SRGAP3: variants seen among roughly 807,000 people sequenced by gnomAD.
SRGAP3 encodes SLIT-ROBO Rho GTPase activating protein 3.
Under a neutral mutation model 121.1 loss-of-function variants are expected in SRGAP3, and 39 were observed. That is an observed-to-expected ratio of 0.32 (90% confidence interval 0.25 to 0.42). SRGAP3 has a LOEUF of 0.42. SRGAP3 is among the 10% of genes least tolerant of loss of function. SRGAP3 has a pLI of 1.00. For missense variants in SRGAP3, 1,213 were observed against 1,470.6 expected (o/e 0.82, Z 2.86); for synonymous variants, 601 against 570.0 (o/e 1.05, Z -0.77).
rs542317456 is a variant in SRGAP3 at position 9,013,163 on chromosome 3, G to A, written c.2147+145C>T. ...TAACTGATGTACCTATCTCTCATGT[G>A]AAGCTGCTGTGAAGCTCAGATGAGA... On this transcript the variant is annotated intron_variant, in intron 17 of 21. Transcript: ENST00000383836. 1.3e-5 allele frequency: 10 copies of A among 789,398 alleles called. No individual in the cohort carries two copies. In the South Asian group the frequency reaches 1.6e-4, roughly 13 times the overall value. The allele number at this position is 789,398 out of a possible 1,614,324, so 48.9% of individuals were successfully genotyped here. A position where few individuals can be genotyped will look rare whatever the true frequency, so the allele number is the denominator to read the frequency against.
At chr3:9,122,012 A>G (rs6443224) in intron 2 of SRGAP3, among the ~76,000 whole-genome samples, 73,480 of 151,658 alleles carry the variant, frequency 0.48, 18,366 homozygotes, top group African/African-American at 0.62. Context: ...GAGAAGAGAC[A>G]AAGGTTCAAT....
At chr3:9,118,850 C>T (rs1948900558) in intron 2 of SRGAP3, among the ~76,000 whole-genome samples, 1 of 152,200 alleles carries the variant, frequency 6.6e-6, no homozygotes, top group African/African-American at 2.4e-5. Flanking sequence ...AATACAGGAC[C>T]CGTGACAGGC....
intron 1 of SRGAP3, among the ~76,000 whole-genome samples, chr3:9,161,544 C>T (rs191562606): frequency 5.2e-4 from 79 of 152,386 alleles, no homozygotes; most frequent in African/African-American, 1.9e-3. Context: ...CCTGCTCTAT[C>T]TCCACATTGG....
chr3:9,286,947 A>C (rs149172212), intron 3 of SRGAP3, among the ~76,000 whole-genome samples: 2 of 144,286 alleles, frequency 1.4e-5, no homozygotes, highest in Non-Finnish European at 3.0e-5. Flanking sequence ...ATTATCTTCT[A>C]GAGGTAATAC....
In SRGAP3 at chr3:9,060,428, CTTTTTT is replaced by C. The variant is rs59248524; in HGVS notation, c.673-75_673-70del. ...GGACGGGGTTTGTGATTTTCTATTC[CTTTTTT>C]TTTTTTTTTTGAGACAGGGTGTTGC... On this transcript the variant is annotated intron_variant, in intron 5 of 21. Transcript: ENST00000383836. 4.2e-6 allele frequency: 5 copies of C among 1,176,824 alleles called. No individual in the cohort carries two copies. In the Admixed American group the frequency reaches 1.1e-4, roughly 26 times the overall value. 72.9% of individuals were successfully genotyped at this position (1,176,824 alleles called of 1,614,324 possible).
intron 3 of SRGAP3, among the ~76,000 whole-genome samples, chr3:9,090,884 G>A (rs542804080): frequency 1.8e-4 from 28 of 152,116 alleles, no homozygotes; most frequent in Middle Eastern, 3.4e-3. Context: ...TGATCCACCC[G>A]CCTCAACCTC....
intron 14 of SRGAP3, among the ~76,000 whole-genome samples, chr3:9,023,147 T>C (rs909185270): frequency 6.6e-6 from 1 of 152,104 alleles, no homozygotes; most frequent in African/African-American, 2.4e-5. Context: ...GGAGGCACCA[T>C]GCAGTGAGTT....
chr3:9,204,759 C>T (rs1952202507), intron 1 of SRGAP3, among the ~76,000 whole-genome samples: 1 of 152,198 alleles, frequency 6.6e-6, no homozygotes, highest in Non-Finnish European at 1.5e-5. Flanking sequence ...ACAGGCCCTC[C>T]CTACCCCCAG....
At chr3:9,321,421 A>G (rs1459028848) in intron 3 of SRGAP3, among the ~76,000 whole-genome samples, 1 of 151,962 alleles carries the variant, frequency 6.6e-6, no homozygotes, top group African/African-American at 2.4e-5. Context: ...TACAAGGACA[A>G]AACAGTGAAT....
intron 21 of SRGAP3, among the ~76,000 whole-genome samples, chr3:8,988,092 G>C (rs1941827679): frequency 6.6e-6 from 1 of 151,288 alleles, no homozygotes; most frequent in Non-Finnish European, 1.5e-5. Flanking sequence ...GAGTTGTTTA[G>C]GCTGCAGCCT....
chr3:9,252,874 G>A (rs1422493133), upstream of SRGAP3, among the ~76,000 whole-genome samples: 1 of 152,152 alleles, frequency 6.6e-6, no homozygotes, highest in African/African-American at 2.4e-5. Flanking sequence ...GTGAGGGGAG[G>A]GCCTCTACCA....
chr3:9,172,366 G>C (rs1386025847), intron 1 of SRGAP3, among the ~76,000 whole-genome samples: 1 of 152,062 alleles, frequency 6.6e-6, no homozygotes, highest in African/African-American at 2.4e-5. Context: ...GCCTCCTAAA[G>C]TGCTGGGATT....
chr3:9,162,195 A>G (rs1950622023), intron 1 of SRGAP3, among the ~76,000 whole-genome samples: 1 of 152,144 alleles, frequency 6.6e-6, no homozygotes, highest in Non-Finnish European at 1.5e-5. Flanking sequence ...CGGAAGAAAA[A>G]AAAGTTCTGG....
chr3:9,016,739 C>G (rs1382446259), intron 14 of SRGAP3, among the ~76,000 whole-genome samples: 2 of 152,184 alleles, frequency 1.3e-5, no homozygotes, highest in African/African-American at 4.8e-5. Flanking sequence ...GATTTTTGCC[C>G]AAATTAATTG....
chr3:9,136,308 C>T (rs963837598), intron 1 of SRGAP3, among the ~76,000 whole-genome samples: 3 of 152,160 alleles, frequency 2.0e-5, no homozygotes, highest in Non-Finnish European at 2.9e-5. Context: ...CCGCAGGATC[C>T]GTGCGCCCAG....
At chr3:9,285,895 C>T (rs1222667899) in intron 3 of SRGAP3, among the ~76,000 whole-genome samples, 1 of 151,024 alleles carries the variant, frequency 6.6e-6, no homozygotes. Context: ...ATCGATTAAA[C>T]TCAATCCCAA....
intron 4 of SRGAP3, among the ~76,000 whole-genome samples, chr3:9,066,580 A>G (rs950083068): frequency 6.6e-6 from 1 of 151,328 alleles, no homozygotes; most frequent in Non-Finnish European, 1.5e-5. Context: ...GCTCACTGCA[A>G]CCTCCACCTC....
At chr3:9,222,394 C>T (rs1294434915) in intron 1 of SRGAP3, among the ~76,000 whole-genome samples, 1 of 152,220 alleles carries the variant, frequency 6.6e-6, no homozygotes, top group Admixed American at 6.5e-5. Flanking sequence ...CCAGGCCAGC[C>T]TGGGGCCAAC....
At chr3:9,283,329 C>T (rs1954714076) in intron 3 of SRGAP3, among the ~76,000 whole-genome samples, 1 of 152,170 alleles carries the variant, frequency 6.6e-6, no homozygotes, top group African/African-American at 2.4e-5. Context: ...ATCTATTGGC[C>T]TATCATGTAC....
Sources: gnomAD v4.1 joint callset for allele counts (sites outside exome capture counted in the v4.1 genomes callset) on GRCh38, gnomAD v4.1.1 for gene constraint, MANE v1.5 for transcripts, NCBI Gene and HGNC (gene_info 2026-07-23, HGNC 2026-07-21) for gene names.